THADA: variants seen among roughly 807,000 people sequenced by gnomAD.
THADA encodes THADA armadillo repeat containing.
A neutral mutation model predicts 219.8 loss-of-function variants in THADA; 213 were observed. That is an observed-to-expected ratio of 0.97 (90% CI 0.87 to 1.09). The LOEUF (loss-of-function observed/expected upper bound fraction) is 1.09, where lower values mean the gene tolerates loss of function less well. Among genes scored for constraint, THADA ranks in the 50% least tolerant of loss-of-function variants. THADA has a pLI of 0.00. For synonymous variants in THADA, 1,018 were observed against 828.9 expected, an observed-to-expected ratio of 1.23 and a Z score of -3.92; for missense variants, 2,956 against 2,311.3, an observed-to-expected ratio of 1.28 and a Z score of -5.72.
intron 37 of THADA, 137 bp downstream of exon 37, chr2:43,232,576 C>T: frequency 2.2e-6 from 2 of 928,224 alleles, no homozygotes; most frequent in East Asian, 5.3e-5. Context: ...CTCGGCAGCA[C>T]CCAGTGGGTG....
chr2:43,532,930 A>G (rs1694073167), intron 21 of THADA, among the ~76,000 whole-genome samples: 1 of 152,216 alleles, frequency 6.6e-6, no homozygotes, highest in Non-Finnish European at 1.5e-5. Flanking sequence ...AGCAAAAGAA[A>G]CTATCATCAG....
chr2:43,432,311 C>CT (rs1558752117), intron 26 of THADA, among the ~76,000 whole-genome samples: 1 of 152,122 alleles, frequency 6.6e-6, no homozygotes, highest in Non-Finnish European at 1.5e-5. Flanking sequence ...TTTTGGCTTG[C>CT]TTTTTTCACT....
intron 31 of THADA, among the ~76,000 whole-genome samples, chr2:43,302,484 G>A (rs1676382525): frequency 6.7e-6 from 1 of 149,488 alleles, no homozygotes; most frequent in African/African-American, 2.5e-5. Flanking sequence ...TTTGGAGCAA[G>A]TAAATTTCTG....
In THADA at chr2:43,318,992, C is replaced by T. The variant is rs56145849; in HGVS notation, c.4438+1454G>A. Among the ~76,000 whole-genome samples, 444 of 152,310 alleles carry T rather than the reference C, an allele frequency of 2.9e-3. 1 individual carries two copies. Among genetic ancestry groups the T allele is most frequent in the South Asian group, 7.0e-3 (34 of 4,828 alleles). The stretch of plus-strand genomic sequence containing the variant: ...ACTAATGATTATAGTCAACCATAAA[C>T]TGCCAGAATCCCAGTGAGTAGATTT... On this transcript the variant is annotated intron_variant, in intron 31 of 37. Coordinates refer to ENST00000405975, the MANE Select transcript of THADA (RefSeq NM_022065.5).
Position 43,590,911 on chromosome 2 carries a change from T to A in THADA, c.215A>T (p.Asp72Val). Residue 72 changes from aspartate to valine, a missense_variant, in exon 4 of 38, where the codon GAT becomes GTT. By Grantham distance (152) the Asp-to-Val change is radical (BLOSUM62 -3). Transcript: ENST00000405975. ...LEKADKNGMCDPTIQSCLDIL... is the reference protein window; with the variant it reads ...LEKADKNGMCVPTIQSCLDIL... The stretch of plus-strand genomic sequence containing the variant: ...ATCCAAACAACTTTGAATAGTGGGA[T>A]CACACATGCCATTTTTATCTGCTTT... 1 of 1,613,832 alleles carries A rather than the reference T, an allele frequency of 6.2e-7. No individual in the cohort carries two copies. The highest frequency in any genetic ancestry group is 8.5e-7 in the Non-Finnish European group (1 of 1,179,756).
intron 29 of THADA, among the ~76,000 whole-genome samples, chr2:43,362,224 T>C (rs983091177): frequency 6.6e-6 from 1 of 152,246 alleles, no homozygotes; most frequent in African/African-American, 2.4e-5. Flanking sequence ...ACAAAATAGA[T>C]ATCTGGATGT....
intron 35 of THADA, among the ~76,000 whole-genome samples, chr2:43,283,149 T>G (rs962098163): frequency 2.0e-5 from 3 of 152,232 alleles, no homozygotes; most frequent in African/African-American, 7.2e-5. Context: ...AGCTGTGCCT[T>G]GCTTCCCCTT....
intron 26 of THADA, among the ~76,000 whole-genome samples, chr2:43,439,253 T>C (rs1483342652): frequency 6.6e-6 from 1 of 151,892 alleles, no homozygotes; most frequent in Non-Finnish European, 1.5e-5. Context: ...TTTAGATCTA[T>C]AGAGAGATCT....
chr2:43,420,888 G>A (rs1677625054), intron 28 of THADA, among the ~76,000 whole-genome samples: 1 of 152,132 alleles, frequency 6.6e-6, no homozygotes, highest in Non-Finnish European at 1.5e-5. Flanking sequence ...GAAATTCAGA[G>A]GGCCATGAGT....
Position 43,344,220 on chromosome 2 carries a change from T to C in THADA, c.4245A>G (p.Gln1415=), listed in dbSNP as rs1479102242. 2.5e-6 allele frequency: 4 copies of C among 1,605,112 alleles called. No individual in the cohort carries two copies. Among genetic ancestry groups the C allele is most frequent in the South Asian group, 2.2e-5 (2 of 88,914 alleles). Reference sequence around the variant, plus strand: ...TTCCGTGTTTGGAGTCTGAGTAGGCTTGCAACAAATGAAAAACCTAAACCA... The same window carrying C: ...TTCCGTGTTTGGAGTCTGAGTAGGCCTGCAACAAATGAAAAACCTAAACCA... The part of the protein sequence containing the change: ...GTLLQVFHLL[Q]AYSDSKHGTN... The change falls in exon 30 of 38, where the codon CAA becomes CAG. Residue 1415 remains glutamine, a synonymous_variant. Coordinates refer to ENST00000405975, the MANE Select transcript of THADA (RefSeq NM_022065.5).
chr2:43,363,111 T>C (rs1669716293), intron 29 of THADA, among the ~76,000 whole-genome samples: 1 of 152,204 alleles, frequency 6.6e-6, no homozygotes, highest in East Asian at 1.9e-4. Context: ...CCTCCTATGA[T>C]AACAATGCCT....
chr2:43,282,252 T>C (rs1254907879), intron 35 of THADA, among the ~76,000 whole-genome samples: 1 of 152,216 alleles, frequency 6.6e-6, no homozygotes, highest in East Asian at 1.9e-4. Flanking sequence ...TCTTATTCCT[T>C]CGGGTCTCAT....
In THADA at chr2:43,252,895, G is replaced by A. The variant is rs145228109; in HGVS notation, c.5297-20013C>T. 1.1e-4 allele frequency among the ~76,000 whole-genome samples: 16 copies of A among 152,256 alleles called. No homozygotes were observed. The East Asian group carries it at 3.1e-3, about 29-fold the overall frequency. Reference sequence around the variant, plus strand: ...TCAGCTGGAATCTCCATGTCCTCTGGTAATTCTTTTCTTCCTATTCTGGTG... The same window carrying A: ...TCAGCTGGAATCTCCATGTCCTCTGATAATTCTTTTCTTCCTATTCTGGTG... On this transcript the variant is annotated intron_variant, in intron 36 of 37. Coordinates refer to ENST00000405975, the MANE Select transcript of THADA (RefSeq NM_022065.5).
At chr2:43,505,033 T>C (rs760641647) in intron 24 of THADA, among the ~76,000 whole-genome samples, 16 of 152,138 alleles carry the variant, frequency 1.1e-4, no homozygotes, top group Non-Finnish European at 1.2e-4. Flanking sequence ...ACTTCATATA[T>C]GTAGGTAGTG....
At chr2:43,296,420 C>G (rs1166023893) in intron 31 of THADA, among the ~76,000 whole-genome samples, 1 of 151,934 alleles carries the variant, frequency 6.6e-6, no homozygotes, top group African/African-American at 2.4e-5. Context: ...GAAATACAGG[C>G]ACACGCCACC....
intron 36 of THADA, among the ~76,000 whole-genome samples, chr2:43,235,689 G>A (rs1186443206): frequency 1.3e-5 from 2 of 152,152 alleles, no homozygotes; most frequent in Admixed American, 1.3e-4. Flanking sequence ...AGTATCTGCA[G>A]CTCAAGTGAC....
intron 25 of THADA, among the ~76,000 whole-genome samples, chr2:43,498,332 C>T (rs1031963465): frequency 3.3e-5 from 5 of 152,230 alleles, no homozygotes; most frequent in African/African-American, 1.2e-4. Flanking sequence ...TGTGAATGCA[C>T]ATAATGCCAC....
At chr2:43,437,237 C>T (rs1202717913) in intron 26 of THADA, among the ~76,000 whole-genome samples, 2 of 152,192 alleles carry the variant, frequency 1.3e-5, no homozygotes, top group African/African-American at 4.8e-5. Context: ...GAAAAATTTT[C>T]TTAGACTTCC....
intron 15 of THADA, among the ~76,000 whole-genome samples, chr2:43,561,594 T>C (rs535083796): frequency 1.3e-5 from 2 of 152,382 alleles, no homozygotes; most frequent in East Asian, 3.9e-4. Context: ...GGAATATAAA[T>C]TGGGATACAA....
Sources: allele counts gnomAD v4.1 joint callset (sites outside exome capture counted in the v4.1 genomes callset), GRCh38; gene constraint gnomAD v4.1.1; transcripts MANE v1.5; gene names NCBI Gene and HGNC (gene_info 2026-07-23, HGNC 2026-07-21).